Variants in HDAC5 observed in about 807,000 individuals in gnomAD.
HDAC5 encodes histone deacetylase 5.
HDAC5 carries 25 observed loss-of-function variants against 133.3 expected under a neutral mutation model. That is an observed-to-expected ratio of 0.19 (90% confidence interval 0.14 to 0.26). The LOEUF (loss-of-function observed/expected upper bound fraction) is 0.26, where lower values mean the gene tolerates loss of function less well. HDAC5 is among the 10% of genes least tolerant of loss of function. HDAC5 has a pLI of 1.00. For synonymous variants in HDAC5, 589 were observed against 610.8 expected (o/e 0.96, Z 0.53); for missense variants, 1,041 against 1,460.5 (o/e 0.71, Z 4.68).
In HDAC5 at chr17:44,102,388, T is replaced by C. The variant is rs146750545; in HGVS notation, c.94+8341A>G. The stretch of plus-strand genomic sequence containing the variant: ...CTTTTTCTTTTTTTCTGACAGAGTC[T>C]CGCTCTGTTGCTAGGCTGGAGTAGT... On this transcript the variant is annotated intron_variant, in intron 3 of 26. Transcript: ENST00000682912. 2.6e-5 allele frequency among the ~76,000 whole-genome samples: 4 copies of C among 152,354 alleles called. No individual in the cohort carries two copies. The East Asian group carries it at 5.8e-4, about 22-fold the overall frequency.
intron 18 of HDAC5, 26 bp from the exon 19 acceptor site, chr17:44,082,846 G>A: frequency 6.4e-7 from 1 of 1,551,412 alleles, no homozygotes; most frequent in Non-Finnish European, 8.7e-7. Context: ...CAGAGGTGAG[G>A]GGCAAGATCC....
At chr17:44,084,060 G>T (rs9890834) in intron 16 of HDAC5, among the ~76,000 whole-genome samples, 7 of 151,862 alleles carry the variant, frequency 4.6e-5, no homozygotes, top group South Asian at 2.1e-4. Flanking sequence ...GGGAGACAGA[G>T]GTCGCAGTGA....
chr17:44,119,586 A>G (rs188636170), intron 1 of HDAC5, among the ~76,000 whole-genome samples: 88 of 152,288 alleles, frequency 5.8e-4, no homozygotes, highest in African/African-American at 2.0e-3. Context: ...CCGTCCTATA[A>G]AATTCAGCAG....
At position 44,093,249 on chromosome 17, in the gene HDAC5, C is replaced by T. The variant is rs532320057; in HGVS notation, c.527-43G>A. The T allele has an allele frequency of 2.5e-6, 4 of 1,585,160 alleles. No individual in the cohort carries two copies. The South Asian group carries it at 3.4e-5, about 13-fold the overall frequency. The stretch of plus-strand genomic sequence containing the variant: ...ACTGACCTGGCTGCTTGGGGCCAGA[C>T]CCCCCATGGCAGGGGCAGGCATCAC... On this transcript the variant is annotated intron_variant, in intron 5 of 26. Transcript: ENST00000682912.
chr17:44,111,556 C>G (rs2052346370), intron 2 of HDAC5: 1 of 511,184 alleles, frequency 2.0e-6, no homozygotes. Flanking sequence ...AAGCCAGACT[C>G]AAGCCTCCGT....
chr17:44,080,919 G>A (rs775760755), intron 20 of HDAC5, 37 bp from the exon 21 acceptor site: 289 of 1,613,582 alleles, frequency 1.8e-4, no homozygotes, highest in Non-Finnish European at 2.4e-4. Flanking sequence ...AAAATGGCCC[G>A]CGCTCTGACC....
chr17:44,087,520 T>TTCCTCGTCC lies in HDAC5; in HGVS notation c.1767_1775dup (p.Glu591_Asp593dup). On this transcript the variant is annotated inframe_insertion, in exon 13 of 27. Transcript: ENST00000682912. ...AATCCTCCTCCTCCTCCCCATCGTC[T>TTCCTCGTCC]TCCTCGTCCTCCTCCTCCAGGTCTT... 3 of 1,611,938 alleles carry TTCCTCGTCC rather than the reference T, an allele frequency of 1.9e-6. No homozygotes were observed. The highest frequency in any genetic ancestry group is 2.5e-6 in the Non-Finnish European group (3 of 1,178,062).
chr17:44,088,038 C>T (rs1165996127), intron 12 of HDAC5, among the ~76,000 whole-genome samples: 3 of 151,914 alleles, frequency 2.0e-5, no homozygotes, highest in East Asian at 1.9e-4. Context: ...GAGACGGTCT[C>T]GCTCTTCTCA....
At chr17:44,093,238 T>C in intron 5 of HDAC5, 32 bp from the exon 6 acceptor site, 4 of 1,591,458 alleles carry the variant, frequency 2.5e-6, no homozygotes, top group Non-Finnish European at 3.4e-6. Context: ...ACCTGGCTGC[T>C]TGGGGCCAGA....
chr17:44,079,448 T>G lies in HDAC5; in HGVS notation c.2945-171A>C, dbSNP rs966445510. On this transcript the variant is annotated intron_variant, in intron 23 of 26. Coordinates refer to ENST00000682912, the MANE Select transcript of HDAC5 (RefSeq NM_005474.5). ...CAAGGTCAGGAGTTCGAGACCAGCC[T>G]GACCAACATGGTGAAACCCCGTCTC... The G allele has an allele frequency of 5.3e-6, 3 of 564,010 alleles. No homozygotes were observed. In the Admixed American group the frequency reaches 9.3e-5, roughly 18 times the overall value. The allele number at this position is 564,010 out of a possible 1,614,324, so 34.9% of individuals were successfully genotyped here. A position where few individuals can be genotyped will look rare whatever the true frequency, so the allele number is the denominator to read the frequency against.
At chr17:44,079,068 T>C in intron 24 of HDAC5, 76 bp downstream of exon 24, 1 of 1,569,058 alleles carries the variant, frequency 6.4e-7, no homozygotes. Context: ...CCTAAGGGGC[T>C]CCCAGTGCTG....
Position 44,087,711 on chromosome 17 carries a change from T to C in HDAC5, c.1600-15A>G, listed in dbSNP as rs2050737070. On this transcript the variant is annotated splice_polypyrimidine_tract_variant and intron_variant, in intron 12 of 26. Transcript: ENST00000682912. ...TTGGTGAGGATCTGATAACAGAATA[T>C]GGGGGCACATCAGCTGGGAGTTGGG... The C allele has an allele frequency of 6.4e-7, 1 of 1,557,852 alleles. No homozygotes were observed. Among genetic ancestry groups the C allele is most frequent in the Non-Finnish European group, 8.7e-7 (1 of 1,150,358 alleles).
At chr17:44,089,541 T>TC (rs1184724062) in intron 11 of HDAC5, among the ~76,000 whole-genome samples, 1 of 151,914 alleles carries the variant, frequency 6.6e-6, no homozygotes, top group African/African-American at 2.4e-5. Context: ...GGTCAGGAGT[T>TC]CAAGACCAGC....
In HDAC5 at chr17:44,117,759, AAGG is replaced by A; in HGVS notation, c.-189-58_-189-56del. 3.3e-6 allele frequency: 2 copies of A among 600,358 alleles called. No individual in the cohort carries two copies. The highest frequency in any genetic ancestry group is 5.5e-5 in the East Asian group (2 of 36,240). The allele number at this position is 600,358 out of a possible 1,614,324, so 37.2% of individuals were successfully genotyped here. ...CCCTAACTCAGGAATCTGAGAGTCG[AAGG>A]AGACCTTGGAGCTCATCAGTTTGTA... On this transcript the variant is annotated intron_variant, in intron 1 of 26. Transcript: ENST00000682912. This position sits in a 1 kb window ranked among gnomAD's most constrained non-coding sequence, Gnocchi z 4.2.
At chr17:44,107,294 C>G (rs2052018489) in intron 3 of HDAC5, among the ~76,000 whole-genome samples, 1 of 152,126 alleles carries the variant, frequency 6.6e-6, no homozygotes, top group Admixed American at 6.6e-5. Flanking sequence ...TACACCACAG[C>G]TATCAACACT....
chr17:44,078,470 G>A (rs9913925), intron 26 of HDAC5, 30 bp downstream of exon 26: 217,540 of 1,588,958 alleles, frequency 0.14, 15,932 homozygotes, highest in African/African-American at 0.23. Flanking sequence ...CAGGGGTGAG[G>A]GCAGAGAGGT....
intron 16 of HDAC5, among the ~76,000 whole-genome samples, chr17:44,084,063 C>T (rs1176727534): frequency 4.6e-5 from 7 of 151,626 alleles, no homozygotes; most frequent in Non-Finnish European, 1.5e-5. Flanking sequence ...AGACAGAGGT[C>T]GCAGTGAGCT....
At position 44,078,565 on chromosome 17, in the gene HDAC5, G is replaced by A; in HGVS notation, c.3264C>T (p.Ala1088=). ...CGGCCCCCACCGACAGCAAGGCCAT[G>A]GCGCTCACAGTCTCGGCCTCCTCGG... The part of the protein sequence containing the change: ...GETEEAETVS[A]MALLSVGAEQ... The change falls in exon 26 of 27, where the codon GCC becomes GCT. Residue 1088 remains alanine, a synonymous_variant. Transcript: ENST00000682912. 1 of 1,611,734 alleles carries A rather than the reference G, an allele frequency of 6.2e-7. No homozygotes were observed. Among genetic ancestry groups the A allele is most frequent in the Non-Finnish European group, 8.5e-7 (1 of 1,179,966 alleles).
chr17:44,116,721 C>G (rs2052670044), intron 2 of HDAC5, among the ~76,000 whole-genome samples: 1 of 152,124 alleles, frequency 6.6e-6, no homozygotes, highest in Non-Finnish European at 1.5e-5. Context: ...TGGGAAACTG[C>G]TGAGGGTCCA....
Sources: allele counts gnomAD v4.1 joint callset (sites outside exome capture counted in the v4.1 genomes callset), GRCh38; gene constraint gnomAD v4.1.1; non-coding constraint Gnocchi (gnomAD v3.1); transcripts MANE v1.5; gene names NCBI Gene and HGNC (gene_info 2026-07-23, HGNC 2026-07-21).